The following EXT1 variants were observed in gnomAD, a reference collection of about 807,000 sequenced individuals.
EXT1 encodes exostosin glycosyltransferase 1, also known as exostosin-1.
EXT1 carries 20 observed loss-of-function variants against 82.5 expected under a neutral mutation model. The observed-to-expected ratio is 0.24, with a 90% CI of 0.17 to 0.35. EXT1 has a LOEUF of 0.35. Among genes scored for constraint, EXT1 ranks in the 10% least tolerant of loss-of-function variants. The pLI is 1.00. For missense variants in EXT1, 757 were observed against 936.5 expected (o/e 0.81, Z 2.50); for synonymous variants, 348 against 350.8 (o/e 0.99, Z 0.09).
At position 118,063,338 on chromosome 8, in the gene EXT1, G is replaced by A. The variant is rs113733674; in HGVS notation, c.962+46747C>T. Among the ~76,000 whole-genome samples, 56 of 152,298 alleles carry A rather than the reference G, an allele frequency of 3.7e-4. 1 individual carries two copies. Among genetic ancestry groups the A allele is most frequent in the South Asian group, 2.3e-3 (11 of 4,830 alleles). ...ATTTTCCATTGCCATTCATCTAGGA[G>A]TTTCTGTATGAAAGGTACAGACTTT... On this transcript the variant is annotated intron_variant, in intron 1 of 10. Transcript: ENST00000378204.
Position 117,799,258 on chromosome 8 carries a change from C to CCA in EXT1, c.*452_*453dup, listed in dbSNP as rs1823128281. 5.3e-6 allele frequency: 1 copy of CCA among 188,680 alleles called. No homozygotes were observed. Among genetic ancestry groups the CCA allele is most frequent in the Non-Finnish European group, 1.1e-5 (1 of 88,690 alleles). 11.7% of individuals were successfully genotyped at this position (188,680 alleles called of 1,614,324 possible). A position where few individuals can be genotyped will look rare whatever the true frequency, so the allele number is the denominator to read the frequency against. On this transcript the variant is annotated 3_prime_UTR_variant, in exon 11 of 11. Transcript: ENST00000378204. ...TGGGTAGAGTGACTTATTGTGTTTT[C>CCA]CACGAAGTTTGAGCTTTTGAAACTG...
intron 1 of EXT1, among the ~76,000 whole-genome samples, chr8:117,914,870 CAGT>C (rs1813718249): frequency 6.6e-6 from 1 of 152,168 alleles, no homozygotes. Context: ...GCCTTGTGCT[CAGT>C]AGTTCTGCTT....
At chr8:118,030,288 G>A (rs1816285529) in intron 1 of EXT1, among the ~76,000 whole-genome samples, 1 of 151,116 alleles carries the variant, frequency 6.6e-6, no homozygotes, top group South Asian at 2.1e-4. Flanking sequence ...GGGCAGGGCT[G>A]ACACAAGAGG....
At chr8:117,942,208 T>G (rs1175411289) in intron 1 of EXT1, among the ~76,000 whole-genome samples, 1 of 152,202 alleles carries the variant, frequency 6.6e-6, no homozygotes, top group East Asian at 1.9e-4. Flanking sequence ...CCCAAATGAA[T>G]CAGACCTTTT....
chr8:118,025,160 C>T (rs900866040), intron 1 of EXT1, among the ~76,000 whole-genome samples: 1 of 152,112 alleles, frequency 6.6e-6, no homozygotes, highest in Non-Finnish European at 1.5e-5. Flanking sequence ...GAGTCATTTG[C>T]TATAAGAAGT....
chr8:117,974,393 T>C (rs1563617887), intron 1 of EXT1, among the ~76,000 whole-genome samples: 1 of 152,186 alleles, frequency 6.6e-6, no homozygotes, highest in East Asian at 1.9e-4. Flanking sequence ...CCATGCTTCC[T>C]CATCTGCTCC....
At chr8:118,046,103 C>CT (rs112355911) in intron 1 of EXT1, among the ~76,000 whole-genome samples, 13,222 of 143,682 alleles carry the variant, frequency 0.092, 1,803 homozygotes, top group African/African-American at 0.3. Context: ...GCCTAGATGT[C>CT]TTTTTTTTTT....
chr8:117,851,650 C>CACACACACACACACA lies in EXT1; in HGVS notation c.963-14450_963-14449insTGTGTGTGTGTGTGT, dbSNP rs57555594. Among the ~76,000 whole-genome samples the CACACACACACACACA allele has an allele frequency of 4.8e-5, 7 of 146,306 alleles. No individual in the cohort carries two copies. The East Asian group carries it at 8.0e-4, about 17-fold the overall frequency. On this transcript the variant is annotated intron_variant, in intron 1 of 10. Transcript: ENST00000378204. The stretch of plus-strand genomic sequence containing the variant: ...ACACACACACACACACACACACACA[C>CACACACACACACACA]CATTATTTAATTTATTTAATGCATT...
intron 1 of EXT1, among the ~76,000 whole-genome samples, chr8:117,966,701 A>C (rs146024337): frequency 5.9e-5 from 9 of 152,348 alleles, no homozygotes; most frequent in African/African-American, 2.2e-4. Flanking sequence ...CAAACAAATA[A>C]TTCTCCATTT....
chr8:118,089,047 T>C (rs1429993461), intron 1 of EXT1, among the ~76,000 whole-genome samples: 1 of 152,202 alleles, frequency 6.6e-6, no homozygotes, highest in Non-Finnish European at 1.5e-5. Context: ...TCTTGGCTAG[T>C]GTAATTCAGT....
intron 1 of EXT1, among the ~76,000 whole-genome samples, chr8:118,104,878 C>G (rs1179068553): frequency 6.6e-6 from 1 of 152,164 alleles, no homozygotes; most frequent in Non-Finnish European, 1.5e-5. Context: ...CCTGCAGAAG[C>G]CAATGACCAC....
intron 1 of EXT1, among the ~76,000 whole-genome samples, chr8:117,891,195 T>G (rs1156995246): frequency 6.6e-6 from 1 of 152,256 alleles, no homozygotes; most frequent in Non-Finnish European, 1.5e-5. Flanking sequence ...TAAGTTCCTT[T>G]TCCTAATTGG....
At chr8:117,949,294 T>C (rs1277617497) in intron 1 of EXT1, among the ~76,000 whole-genome samples, 3 of 152,134 alleles carry the variant, frequency 2.0e-5, no homozygotes, top group Non-Finnish European at 2.9e-5. Context: ...AAATAGCCTT[T>C]AGTTTGAATA....
At chr8:117,998,897 G>A (rs538530133) in intron 1 of EXT1, among the ~76,000 whole-genome samples, 4 of 152,250 alleles carry the variant, frequency 2.6e-5, no homozygotes, top group Non-Finnish European at 5.9e-5. Context: ...TTAGTTAACC[G>A]TTCTTCACTT....
At chr8:117,895,766 A>C (rs764700537) in intron 1 of EXT1, among the ~76,000 whole-genome samples, 4 of 152,134 alleles carry the variant, frequency 2.6e-5, no homozygotes, top group Non-Finnish European at 5.9e-5. Flanking sequence ...CTGCTGACCC[A>C]CTTCAAAGGT....
chr8:118,045,059 C>T (rs1258434953), intron 1 of EXT1, among the ~76,000 whole-genome samples: 1 of 152,200 alleles, frequency 6.6e-6, no homozygotes, highest in African/African-American at 2.4e-5. Context: ...TCAACCATAT[C>T]GTACACAAAG....
chr8:117,893,213 G>A (rs1459750836), intron 1 of EXT1, among the ~76,000 whole-genome samples: 1 of 152,070 alleles, frequency 6.6e-6, no homozygotes, highest in African/African-American at 2.4e-5. Context: ...AAATATCCAC[G>A]ATATGCCATC....
chr8:117,924,206 G>C (rs915174983), intron 1 of EXT1, among the ~76,000 whole-genome samples: 2 of 152,176 alleles, frequency 1.3e-5, no homozygotes, highest in African/African-American at 4.8e-5. Context: ...CACTGTACTA[G>C]GGAAATATTT....
intron 1 of EXT1, among the ~76,000 whole-genome samples, chr8:118,046,748 C>G (rs17476756): frequency 6.6e-6 from 1 of 152,190 alleles, no homozygotes; most frequent in Non-Finnish European, 1.5e-5. Context: ...AATACCCAAC[C>G]TGGTACCCAG....
Sources: gnomAD v4.1 joint callset for allele counts (sites outside exome capture counted in the v4.1 genomes callset) on GRCh38, gnomAD v4.1.1 for gene constraint, MANE v1.5 for transcripts, NCBI Gene and HGNC (gene_info 2026-07-23, HGNC 2026-07-21) for gene names.